The following NMRK1 variants were observed in gnomAD, a reference collection of about 807,000 sequenced individuals.
NMRK1 encodes NRK 1.
A neutral mutation model predicts 29.9 loss-of-function variants in NMRK1; 28 were observed. The observed-to-expected ratio is 0.94, with a 90% CI of 0.69 to 1.28. The LOEUF is 1.28. Ranked by LOEUF, NMRK1 falls within the 50% of genes most tolerant of loss-of-function variation. The pLI is 0.00. For synonymous variants in NMRK1, 58 were observed against 73.0 expected (o/e 0.79, Z 1.05); for missense variants, 218 against 233.1 (o/e 0.94, Z 0.42).
chr9:75,069,206 A>G, intron 6 of NMRK1, 104 bp from the exon 7 acceptor site: 1 of 780,788 alleles, frequency 1.3e-6, no homozygotes, highest in Non-Finnish European at 2.2e-6. Flanking sequence ...GGCTGAATCT[A>G]AACAGGATTA....
Position 75,061,496 on chromosome 9 carries a change from A to G in NMRK1, c.*52T>C, listed in dbSNP as rs1823017907. ...GTATCTTGGTGAAGGTTCTTAAATT[A>G]CTCCTTGGAGTTTCCTAATTCACTT... On this transcript the variant is annotated 3_prime_UTR_variant, in exon 9 of 9. Coordinates refer to ENST00000361092, the MANE Select transcript of NMRK1 (RefSeq NM_017881.3). 6.9e-7 allele frequency: 1 copy of G among 1,447,934 alleles called. No individual in the cohort carries two copies. Among genetic ancestry groups the G allele is most frequent in the Non-Finnish European group, 9.6e-7 (1 of 1,038,552 alleles). The allele number at this position is 1,447,934 out of a possible 1,614,324, so 89.7% of individuals were successfully genotyped here. A position where few individuals can be genotyped will look rare whatever the true frequency, so the allele number is the denominator to read the frequency against.
chr9:75,065,542 C>T (rs1823289540), intron 8 of NMRK1, among the ~76,000 whole-genome samples: 1 of 152,012 alleles, frequency 6.6e-6, no homozygotes, highest in African/African-American at 2.4e-5. Flanking sequence ...TGGTCTTGAA[C>T]TCCTGGCCCC....
At chr9:75,086,857 A>C (rs1309884787) in intron 1 of NMRK1, among the ~76,000 whole-genome samples, 27 of 150,962 alleles carry the variant, frequency 1.8e-4, no homozygotes. Context: ...GTCTTTTCCT[A>C]CTATTGTTTA....
chr9:75,068,964 A>G, intron 7 of NMRK1, 32 bp downstream of exon 7: 1 of 1,418,632 alleles, frequency 7.0e-7, no homozygotes, highest in Non-Finnish European at 1.0e-6. Flanking sequence ...GACAAGTAAA[A>G]GGCCTTGAAC....
chr9:75,074,087 T>A (rs1823853864), intron 4 of NMRK1, among the ~76,000 whole-genome samples: 1 of 152,126 alleles, frequency 6.6e-6, no homozygotes, highest in Non-Finnish European at 1.5e-5. Context: ...AGACAGAGTC[T>A]CGCTCTGTTG....
intron 8 of NMRK1, among the ~76,000 whole-genome samples, chr9:75,062,806 C>T (rs529618609): frequency 3.4e-4 from 51 of 152,212 alleles, no homozygotes; most frequent in African/African-American, 6.7e-4. Flanking sequence ...CCAAGGCAGA[C>T]GGATTACCTG....
intron 8 of NMRK1, chr9:75,066,322 C>T: frequency 2.0e-6 from 1 of 508,336 alleles, no homozygotes; most frequent in Non-Finnish European, 3.9e-6. Context: ...CTTCATAATA[C>T]TTTTTAAAAT....
chr9:75,080,557 C>A (rs550790761), intron 2 of NMRK1, among the ~76,000 whole-genome samples: 2 of 152,244 alleles, frequency 1.3e-5, no homozygotes, highest in South Asian at 4.1e-4. Flanking sequence ...GAGGCTGAGG[C>A]AGGAGAATCG....
chr9:75,071,269 G>A (rs201284869), intron 4 of NMRK1, among the ~76,000 whole-genome samples: 2 of 152,100 alleles, frequency 1.3e-5, no homozygotes, highest in East Asian at 1.9e-4. Flanking sequence ...TAGTTACTCT[G>A]CTAATGAGCC....
intron 2 of NMRK1, chr9:75,078,378 T>C (rs1824130631): frequency 2.5e-6 from 4 of 1,569,094 alleles, no homozygotes; most frequent in Non-Finnish European, 3.5e-6. Flanking sequence ...TCTCTCCACC[T>C]GGGGGCCAGC....
At chr9:75,078,466 G>A (rs1042175795) in intron 2 of NMRK1, 23 of 1,490,742 alleles carry the variant, frequency 1.5e-5, no homozygotes, top group Middle Eastern at 1.8e-4. Flanking sequence ...CAGGAGAAGG[G>A]GCACTGAGTT....
At chr9:75,081,633 G>A (rs1824327262) in intron 2 of NMRK1, among the ~76,000 whole-genome samples, 1 of 152,150 alleles carries the variant, frequency 6.6e-6, no homozygotes. Flanking sequence ...ATCCTGTAGT[G>A]GACTTTGTAG....
chr9:75,060,730 G>A lies in NMRK1; in HGVS notation c.*818C>T, dbSNP rs892941825. On this transcript the variant is annotated 3_prime_UTR_variant, in exon 9 of 9. Coordinates refer to ENST00000361092, the MANE Select transcript of NMRK1 (RefSeq NM_017881.3). ...TGGATTCCACATGATTGAAGTAATT[G>A]CTTATTTCTGTGATTTTAGACCACT... 1 of 152,048 alleles carries A rather than the reference G, an allele frequency of 6.6e-6. No homozygotes were observed. The highest frequency in any genetic ancestry group is 1.5e-5 in the Non-Finnish European group (1 of 68,006). 9.4% of individuals were successfully genotyped at this position (152,048 alleles called of 1,614,324 possible). A position where few individuals can be genotyped will look rare whatever the true frequency, so the allele number is the denominator to read the frequency against.
At position 75,069,074 on chromosome 9, in the gene NMRK1, G is replaced by T. The variant is rs1482043349; in HGVS notation, c.418C>A (p.Pro140Thr). Reference protein sequence around the residue: ...STRVYQPPDSPGYFDGHVWPM... With the variant: ...STRVYQPPDSTGYFDGHVWPM... Reference sequence around the variant, plus strand: ...CACACATGGCCATCAAAGTATCCCGGAGAGTCTGGAGGCTGATAGACCCTT... The same window carrying T: ...CACACATGGCCATCAAAGTATCCCGTAGAGTCTGGAGGCTGATAGACCCTT... Residue 140 changes from proline to threonine, a missense_variant, in exon 7 of 9, where the codon CCG becomes ACG. Transcript: ENST00000361092. 3.1e-6 allele frequency: 5 copies of T among 1,613,886 alleles called. No homozygotes were observed. The highest frequency in any genetic ancestry group is 4.2e-6 in the Non-Finnish European group (5 of 1,179,906).
At chr9:75,074,111 G>A (rs1423397755) in intron 4 of NMRK1, among the ~76,000 whole-genome samples, 1 of 151,574 alleles carries the variant, frequency 6.6e-6, no homozygotes, top group Non-Finnish European at 1.5e-5. Flanking sequence ...AGACTGGAGT[G>A]CAGTGGCACA....
chr9:75,062,416 CAT>C (rs1215980347), intron 8 of NMRK1, among the ~76,000 whole-genome samples: 1 of 152,076 alleles, frequency 6.6e-6, no homozygotes, highest in African/African-American at 2.4e-5. Flanking sequence ...AGACATGTGA[CAT>C]GTTTCTTCTG....
In NMRK1 at chr9:75,070,037, C is replaced by T; in HGVS notation, c.175G>A (p.Glu59Lys). The change falls in exon 5 of 9, where the codon GAA becomes AAA. Residue 59 changes from glutamate (E) to lysine (K), a missense_variant. Glu to Lys is a moderately conservative substitution (Grantham distance 56). Transcript: ENST00000361092. ...ATCATTTTTTCCATGTTAAGTGCTT[C>T]AAGCACTTCAAACAAACACACAAAA... ...KNGFLQYDVLEALNMEKMMSA... is the reference protein window; with the variant it reads ...KNGFLQYDVLKALNMEKMMSA... 3 of 1,605,624 alleles carry T rather than the reference C, an allele frequency of 1.9e-6. No homozygotes were observed. The highest frequency in any genetic ancestry group is 2.5e-6 in the Non-Finnish European group (3 of 1,177,710).
At chr9:75,081,177 C>T (rs892524875) in intron 2 of NMRK1, among the ~76,000 whole-genome samples, 2 of 152,150 alleles carry the variant, frequency 1.3e-5, no homozygotes, top group Non-Finnish European at 2.9e-5. Flanking sequence ...TCGATTGAGG[C>T]TTATTGGACA....
At chr9:75,083,828 A>C (rs944452595) in intron 1 of NMRK1, among the ~76,000 whole-genome samples, 18 of 152,254 alleles carry the variant, frequency 1.2e-4, no homozygotes, top group African/African-American at 4.3e-4. Flanking sequence ...GTATGGACTT[A>C]TATAACAAGA....
Sources: allele counts gnomAD v4.1 joint callset (sites outside exome capture counted in the v4.1 genomes callset), GRCh38; gene constraint gnomAD v4.1.1; transcripts MANE v1.5; gene names NCBI Gene and HGNC (gene_info 2026-07-23, HGNC 2026-07-21).